PPP6R1: variants seen among roughly 807,000 people sequenced by gnomAD.
PPP6R1 encodes serine/threonine-protein phosphatase 6 regulatory subunit 1.
A neutral mutation model predicts 104.6 loss-of-function variants in PPP6R1; 39 were observed. That is an observed-to-expected ratio of 0.37 (90% CI 0.29 to 0.49). The LOEUF (loss-of-function observed/expected upper bound fraction) is 0.49, where lower values mean the gene tolerates loss of function less well. Ranked by LOEUF, PPP6R1 falls within the 20% of genes least tolerant of loss-of-function variation. The pLI, the probability that PPP6R1 is intolerant of heterozygous loss-of-function variation, is 0.98. For missense variants in PPP6R1, 1,181 were observed against 1,155.8 expected (o/e 1.02, Z -0.32); for synonymous variants, 549 against 479.0 (o/e 1.15, Z -1.91).
chr19:55,242,746 G>A (rs2087470126), intron 5 of PPP6R1: 2 of 482,878 alleles, frequency 4.1e-6, no homozygotes, highest in Non-Finnish European at 7.6e-6. Context: ...AGGGCTGGCA[G>A]CACCGCCCAC....
chr19:55,246,452 G>C (rs527846329), intron 2 of PPP6R1, among the ~76,000 whole-genome samples: 1 of 151,470 alleles, frequency 6.6e-6, no homozygotes, highest in African/African-American at 2.4e-5. Flanking sequence ...AGCATCGCTT[G>C]GATTAAAAAA....
At chr19:55,237,910 G>T (rs2087413848) in intron 15 of PPP6R1, among the ~76,000 whole-genome samples, 1 of 152,120 alleles carries the variant, frequency 6.6e-6, no homozygotes, top group East Asian at 1.9e-4. Flanking sequence ...AAATCTTTCT[G>T]GGTTTAGTTT....
intron 1 of PPP6R1, among the ~76,000 whole-genome samples, chr19:55,256,958 G>A (rs1246590747): frequency 1.3e-5 from 2 of 151,888 alleles, no homozygotes; most frequent in Non-Finnish European, 2.9e-5. Context: ...TACAGACGAG[G>A]AACAACTTGT....
At chr19:55,250,485 G>T (rs1326284454) in intron 1 of PPP6R1, among the ~76,000 whole-genome samples, 1 of 152,156 alleles carries the variant, frequency 6.6e-6, no homozygotes, top group Non-Finnish European at 1.5e-5. Flanking sequence ...ACTAGCCCTG[G>T]CCACAGTGAC....
rs373766529 is a variant in PPP6R1 at position 55,240,973 on chromosome 19, G to A, written c.1268C>T (p.Thr423Met). 128 of 1,603,566 alleles carry A rather than the reference G, an allele frequency of 8.0e-5. No individual in the cohort carries two copies. In the East Asian group the frequency reaches 2.3e-3, roughly 28 times the overall value. ...TTTCACAACAGGGTTTTGGATGGGC[G>A]TCTCAGGGCTGCTGTCAGGAGGTGG... ...LGPPPDSSPETPIQNPVVKHL... is the reference protein window; with the variant it reads ...LGPPPDSSPEMPIQNPVVKHL... The change falls in exon 10 of 24, where the codon ACG (threonine) becomes ATG (methionine). Residue 423 changes from threonine (T) to methionine (M), a missense_variant. Thr to Met is a moderately conservative substitution (Grantham distance 81). Transcript: ENST00000412770.
chr19:55,232,047 C>T (rs1164074617), intron 18 of PPP6R1, 28 bp downstream of exon 18: 1 of 1,611,720 alleles, frequency 6.2e-7, no homozygotes. Flanking sequence ...GCCCTGTGTA[C>T]ACCTGACCAC....
At chr19:55,243,788 G>A (rs2087481733) in intron 5 of PPP6R1, among the ~76,000 whole-genome samples, 1 of 152,040 alleles carries the variant, frequency 6.6e-6, no homozygotes, top group Non-Finnish European at 1.5e-5. Context: ...GAGTAGCTAG[G>A]ATTACAGGTG....
At position 55,241,107 on chromosome 19, in the gene PPP6R1, G is replaced by A. The variant is rs1252413771; in HGVS notation, c.1162-28C>T. The A allele has an allele frequency of 6.5e-7, 1 of 1,546,190 alleles. No individual in the cohort carries two copies. The highest frequency in any genetic ancestry group is 8.7e-7 in the Non-Finnish European group (1 of 1,145,748). On this transcript the variant is annotated intron_variant, in intron 9 of 23. Coordinates refer to ENST00000412770, the MANE Select transcript of PPP6R1 (RefSeq NM_014931.4). This position sits in a 1 kb window ranked among gnomAD's most constrained non-coding sequence, Gnocchi z 5.4. ...ATGGGAGGACACAGGATTGGTACCA[G>A]AGAGGCCCCGCCCCAGCCGAGCCCC...
chr19:55,256,094 G>A (rs1327019641), intron 1 of PPP6R1, among the ~76,000 whole-genome samples: 1 of 152,186 alleles, frequency 6.6e-6, no homozygotes, highest in Non-Finnish European at 1.5e-5. Context: ...AAAAAAAATG[G>A]GCAGGGGGAC....
intron 1 of PPP6R1, among the ~76,000 whole-genome samples, chr19:55,253,671 T>C (rs2087570972): frequency 6.6e-6 from 1 of 152,134 alleles, no homozygotes; most frequent in Non-Finnish European, 1.5e-5. Flanking sequence ...ATTATCAGGC[T>C]CTAAACAGAA....
downstream of PPP6R1, chr19:55,228,808 C>G: frequency 6.5e-7 from 1 of 1,531,184 alleles, no homozygotes; most frequent in Non-Finnish European, 9.0e-7. Context: ...GAGGGGAGGG[C>G]TCATGGTTAC....
In PPP6R1 at chr19:55,240,024, T is replaced by G. The variant is rs760748995; in HGVS notation, c.1452A>C (p.Ala484=). 3.1e-6 allele frequency: 5 copies of G among 1,604,334 alleles called. No homozygotes were observed. The South Asian group carries it at 3.3e-5, about 11-fold the overall frequency. Residue 484 remains alanine (A), a synonymous_variant, in exon 12 of 24, where the codon GCA becomes GCC. Coordinates refer to ENST00000412770, the MANE Select transcript of PPP6R1 (RefSeq NM_014931.4). ...LVQNTEKGPN[A]EQLRQLLKEL... is the part of the protein sequence containing the mutation. ...CCTTCAGCAGCTGCCGCAGCTGCTC[T>G]GCATTGGGCCCCTTCTCCGTGTTCT...
At chr19:55,242,592 G>A (rs2087468773) in intron 5 of PPP6R1, 104 bp from the exon 6 acceptor site, 3 of 951,544 alleles carry the variant, frequency 3.2e-6, no homozygotes, top group Non-Finnish European at 5.1e-6. Context: ...GGGAAAAATG[G>A]TCACCCAGAC....
At chr19:55,250,985 TTC>T (rs2087548991) in intron 1 of PPP6R1, among the ~76,000 whole-genome samples, 2 of 152,346 alleles carry the variant, frequency 1.3e-5, no homozygotes, top group Admixed American at 6.5e-5. Flanking sequence ...CAAGCTGGCC[TTC>T]TGTTTTCAGA....
At position 55,246,898 on chromosome 19, in the gene PPP6R1, C is replaced by T; in HGVS notation, c.206G>A (p.Gly69Asp). The change falls in exon 2 of 24, where the codon GGT becomes GAT. Residue 69 changes from glycine to aspartate, a missense_variant. By Grantham distance (94) the Gly-to-Asp change is moderately conservative (BLOSUM62 -1). Transcript: ENST00000412770. ...TCACTTGTAGCGCAGCCGCTCCTCA[C>T]CGCTATCTGGCGGCTCCTGGGTGAC... ...AWVTQEPPDS[G>D]EERLRYKYPS... The T allele has an allele frequency of 6.2e-7, 1 of 1,610,246 alleles. No homozygotes were observed. Among genetic ancestry groups the T allele is most frequent in the Non-Finnish European group, 8.5e-7 (1 of 1,178,102 alleles).
At position 55,241,883 on chromosome 19, in the gene PPP6R1, C is replaced by T. The variant is rs923137620; in HGVS notation, c.846-244G>A. ...GGTGGAGGCGGGAAGGCAAACCCAA[C>T]AGGCTAGCGGCCTGTGTGGTAAGGC... On this transcript the variant is annotated intron_variant, in intron 7 of 23. Coordinates refer to ENST00000412770, the MANE Select transcript of PPP6R1 (RefSeq NM_014931.4). This position sits in a 1 kb window ranked among gnomAD's most constrained non-coding sequence, Gnocchi z 5.4. Among the ~76,000 whole-genome samples the T allele has an allele frequency of 6.6e-6, 1 of 152,204 alleles. No individual in the cohort carries two copies. The highest frequency in any genetic ancestry group is 1.9e-4 in the East Asian group (1 of 5,194).
At chr19:55,235,183 C>A (rs1385835707) in intron 17 of PPP6R1, among the ~76,000 whole-genome samples, 2 of 150,918 alleles carry the variant, frequency 1.3e-5, no homozygotes, top group Admixed American at 1.3e-4. Context: ...TTCATCACAG[C>A]GACTCTGGGG....
At chr19:55,242,118 G>C (rs757813136) in intron 7 of PPP6R1, 48 bp downstream of exon 7, 5 of 1,558,204 alleles carry the variant, frequency 3.2e-6, no homozygotes, top group Admixed American at 1.7e-5. Flanking sequence ...GGGCCGGAGA[G>C]CCCCTGGGGA....
intron 15 of PPP6R1, chr19:55,239,032 G>GC (rs2087424281): frequency 4.1e-6 from 1 of 245,710 alleles, no homozygotes; most frequent in South Asian, 5.5e-5. Context: ...GTGCAGCTCT[G>GC]CCCCACAGTC....
Sources: gnomAD v4.1 joint callset for allele counts (sites outside exome capture counted in the v4.1 genomes callset) on GRCh38, gnomAD v4.1.1 for gene constraint, Gnocchi (gnomAD v3.1) non-coding constraint, MANE v1.5 for transcripts, NCBI Gene and HGNC (gene_info 2026-07-23, HGNC 2026-07-21) for gene names.